NOTCH2NLB: variants seen among roughly 807,000 people sequenced by gnomAD.
NOTCH2NLB encodes notch homolog 2 N-terminal-like protein B.
NOTCH2NLB carries 1 observed loss-of-function variant against 14.8 expected under a neutral mutation model. The observed-to-expected ratio is 0.07, with a 90% CI of 0.02 to 0.32. The LOEUF is 0.32. Ranked by LOEUF, NOTCH2NLB falls within the 10% of genes least tolerant of loss-of-function variation. NOTCH2NLB has a pLI of 1.00. For synonymous variants in NOTCH2NLB, 6 were observed against 57.5 expected, an observed-to-expected ratio of 0.10 and a Z score of 4.05; for missense variants, 11 against 155.0, an observed-to-expected ratio of 0.07 and a Z score of 4.93.
chr1:148,634,238 A>G (rs1275750690), intron 2 of NOTCH2NLB, among the ~76,000 whole-genome samples: 1 of 147,562 alleles, frequency 6.8e-6, no homozygotes, highest in Admixed American at 6.8e-5. Flanking sequence ...CATTTTCCAG[A>G]AAAACTATAT....
At chr1:148,651,179 ATAT>A (rs1664504483) in intron 1 of NOTCH2NLB, among the ~76,000 whole-genome samples, 1 of 131,704 alleles carries the variant, frequency 7.6e-6, no homozygotes, top group African/African-American at 2.8e-5. Context: ...ATATATATAT[ATAT>A]ATATATATAT....
intron 1 of NOTCH2NLB, among the ~76,000 whole-genome samples, chr1:148,649,533 T>C (rs1664446165): frequency 1.7e-5 from 2 of 114,526 alleles, no homozygotes; most frequent in East Asian, 3.0e-4. Context: ...TTTTTTGAGA[T>C]GGAGTCTCGC....
chr1:148,704,329 G>T, the NOTCH2NLB span, among the ~76,000 whole-genome samples: 3 of 57,178 alleles, frequency 5.2e-5, 1 homozygote, highest in Non-Finnish European at 6.0e-5. Flanking sequence ...TTTTTTGTTT[G>T]CAGTCAATAT....
intron 1 of NOTCH2NLB, among the ~76,000 whole-genome samples, chr1:148,670,553 CATATATATATATATATAT>C (rs1311446628): frequency 9.6e-6 from 1 of 104,232 alleles, no homozygotes; most frequent in Non-Finnish European, 2.0e-5. Context: ...TATATATATA[CATATATATATATATATAT>C]ATATATAAAT....
chr1:148,607,873 C>T, intron 3 of NOTCH2NLB, 128 bp from the exon 4 acceptor site: 1 of 625,964 alleles, frequency 1.6e-6, no homozygotes, highest in Non-Finnish European at 2.9e-6. Flanking sequence ...TTACAAAAGG[C>T]TAAATCAGAG....
intron 2 of NOTCH2NLB, among the ~76,000 whole-genome samples, chr1:148,637,107 C>T (rs1229432462): frequency 3.7e-5 from 5 of 133,836 alleles, no homozygotes; most frequent in Non-Finnish European, 8.0e-5. Flanking sequence ...CTCGCTCTGT[C>T]GCTCAGGCTG....
chr1:148,707,734 A>T, the NOTCH2NLB span, among the ~76,000 whole-genome samples: 9 of 150,104 alleles, frequency 6.0e-5, no homozygotes, highest in Non-Finnish European at 1.0e-4. Flanking sequence ...GTGAGCCGAG[A>T]TCGCACCACT....
intron 3 of NOTCH2NLB, among the ~76,000 whole-genome samples, chr1:148,610,377 A>AAGAAAGAAAGAAAGAAAG (rs1663661678): frequency 1.7e-5 from 2 of 116,628 alleles, no homozygotes; most frequent in Non-Finnish European, 3.6e-5. Flanking sequence ...AAGAAAGAGA[A>AAGAAAGAAAGAAAGAAAG]AGAAAGAAAG....
chr1:148,651,176 T>C (rs1447363418), intron 1 of NOTCH2NLB, among the ~76,000 whole-genome samples: 4 of 129,866 alleles, frequency 3.1e-5, no homozygotes, highest in Admixed American at 7.6e-5. Flanking sequence ...TATATATATA[T>C]ATATATATAT....
the NOTCH2NLB span, among the ~76,000 whole-genome samples, chr1:148,693,944 TCTC>T: frequency 1.5e-4 from 10 of 67,910 alleles, no homozygotes; most frequent in Non-Finnish European, 2.9e-4. Flanking sequence ...TGAAATCTCT[TCTC>T]CTCTTCTTTT....
intron 1 of NOTCH2NLB, among the ~76,000 whole-genome samples, chr1:148,661,331 A>G (rs1365697963): frequency 6.7e-6 from 1 of 150,170 alleles, no homozygotes; most frequent in South Asian, 2.1e-4. Context: ...TCCAAGGTCT[A>G]TTCCTCCTCC....
chr1:148,699,530 AT>A, the NOTCH2NLB span, among the ~76,000 whole-genome samples: 16 of 127,268 alleles, frequency 1.3e-4, no homozygotes, highest in Admixed American at 5.5e-4. Flanking sequence ...TGTGTGGTTA[AT>A]TTTTTTTTAA....
chr1:148,639,189 C>A (rs1298553584), intron 2 of NOTCH2NLB, among the ~76,000 whole-genome samples: 4 of 131,458 alleles, frequency 3.0e-5, no homozygotes, highest in Non-Finnish European at 3.2e-5. Flanking sequence ...CTCTTTTATC[C>A]CCATATAATA....
chr1:148,670,354 A>G (rs1394021300), intron 1 of NOTCH2NLB, among the ~76,000 whole-genome samples: 1 of 144,306 alleles, frequency 6.9e-6, no homozygotes, highest in Non-Finnish European at 1.6e-5. Context: ...AAAAGGCAAT[A>G]CAAACGCCAC....
exon 1 of NOTCH2NLB, chr1:148,679,621 C>A: frequency 9.5e-7 from 1 of 1,049,764 alleles, no homozygotes; most frequent in South Asian, 2.3e-5. Context: ...TCTCTCCTCC[C>A]CTCCTCCTGC....
rs1452550447 is a variant in NOTCH2NLB, at chr1:148,633,324, C to A, written c.77+6692G>T. ...ATCCCAGCACTTTGGGAGGCCGAGG[C>A]GGGCAGATCATGAGGTCAGGAGATA... On this transcript the variant is annotated intron_variant, in intron 2 of 4. Coordinates refer to ENST00000593495, the Ensembl canonical transcript of NOTCH2NLB. Among the ~76,000 whole-genome samples the A allele has an allele frequency of 5.0e-3, 584 of 116,498 alleles. 138 individuals carry two copies. The highest frequency in any genetic ancestry group is 0.022 in the African/African-American group (560 of 24,992). 76.4% of individuals were successfully genotyped at this position (116,498 alleles called of 152,430 possible).
intron 1 of NOTCH2NLB, among the ~76,000 whole-genome samples, chr1:148,660,607 G>GTTTTGCAA (rs1571115140): frequency 1.5e-5 from 2 of 133,246 alleles, no homozygotes; most frequent in East Asian, 4.2e-4. Context: ...ACATAGAAGT[G>GTTTTGCAA]TTTTGCAAAC....
chr1:148,633,484 C>T (rs1298756310), intron 2 of NOTCH2NLB, among the ~76,000 whole-genome samples: 14 of 69,664 alleles, frequency 2.0e-4, no homozygotes, highest in Admixed American at 1.1e-3. Flanking sequence ...ACCCGGGAGG[C>T]GGAGCTTGCA....
At chr1:148,679,545 G>A in exon 1 of NOTCH2NLB, 1 of 1,134,386 alleles carries the variant, frequency 8.8e-7, no homozygotes, top group South Asian at 1.8e-5. Context: ...CTTCTCGGTC[G>A]CCTCCTCCGC....
Sources: gnomAD v4.1 joint callset for allele counts (sites outside exome capture counted in the v4.1 genomes callset) on GRCh38, gnomAD v4.1.1 for gene constraint, MANE v1.5 for transcripts, NCBI Gene and HGNC (gene_info 2026-07-23, HGNC 2026-07-21) for gene names.